HUNK: variants seen among roughly 807,000 people sequenced by gnomAD.
The protein encoded by HUNK is hormonally up-regulated neu tumor-associated kinase.
A neutral mutation model predicts 61.0 loss-of-function variants in HUNK; 21 were observed. That is an observed-to-expected ratio of 0.34 (90% CI 0.24 to 0.50). The LOEUF (loss-of-function observed/expected upper bound fraction) is 0.50. Ranked by LOEUF, HUNK falls within the 20% of genes least tolerant of loss-of-function variation. HUNK has a pLI of 0.98. For missense variants in HUNK, 772 were observed against 945.7 expected, an observed-to-expected ratio of 0.82 and a Z score of 2.41; for synonymous variants, 371 against 386.1, an observed-to-expected ratio of 0.96 and a Z score of 0.46.
At chr21:31,933,702 T>C (rs1406230454) in intron 2 of HUNK, among the ~76,000 whole-genome samples, 4 of 151,156 alleles carry the variant, frequency 2.6e-5, no homozygotes, top group African/African-American at 9.8e-5. Context: ...GGAGAATCGC[T>C]TGAACCCAGG....
rs200217217 is a variant in HUNK at position 31,908,874 on chromosome 21, G to GT, written c.262-15586dup. Among the ~76,000 whole-genome samples, 73 of 151,820 alleles carry GT rather than the reference G, an allele frequency of 4.8e-4. 1 individual carries two copies. The highest frequency in any genetic ancestry group is 4.1e-3 in the Admixed American group (62 of 15,250). ...GATTTAAGACCATTGGGTGTTCAGG[G>GT]TTTTTTTTGCCAATATATTTATCAG... is the stretch of plus-strand genomic sequence containing the variant. On this transcript the variant is annotated intron_variant, in intron 1 of 10. Coordinates refer to ENST00000270112, the MANE Select transcript of HUNK (RefSeq NM_014586.2).
At chr21:31,935,256 A>G (rs1034221044) in intron 2 of HUNK, among the ~76,000 whole-genome samples, 3 of 152,208 alleles carry the variant, frequency 2.0e-5, no homozygotes, top group Admixed American at 1.3e-4. Flanking sequence ...TCTATAGACA[A>G]TGTTTTTTAG....
At chr21:31,943,607 C>A (rs554073536) in intron 3 of HUNK, among the ~76,000 whole-genome samples, 1 of 152,222 alleles carries the variant, frequency 6.6e-6, no homozygotes, top group African/African-American at 2.4e-5. Context: ...AGTTGCTTAA[C>A]ATGCAGATTC....
At chr21:31,989,900 T>A (rs2053160194) in intron 8 of HUNK, among the ~76,000 whole-genome samples, 1 of 152,084 alleles carries the variant, frequency 6.6e-6, no homozygotes, top group Middle Eastern at 3.4e-3. Flanking sequence ...AGAGCACTCC[T>A]CCATACGGCA....
rs374273493 is a variant in HUNK at position 31,965,624 on chromosome 21, C to T, written c.875-2626C>T. Among the ~76,000 whole-genome samples, 10 of 131,456 alleles carry T rather than the reference C, an allele frequency of 7.6e-5. No individual in the cohort carries two copies. The East Asian group carries it at 1.3e-3, about 17-fold the overall frequency. 86.2% of individuals were successfully genotyped at this position (131,456 alleles called of 152,430 possible). ...TTTTTTTTTTTTTTTAATTTTGAGACGGATTCTCTCTCTCTTACCCAGGCT... is the reference window on the plus strand; with the variant it reads ...TTTTTTTTTTTTTTTAATTTTGAGATGGATTCTCTCTCTCTTACCCAGGCT... On this transcript the variant is annotated intron_variant, in intron 5 of 10. Transcript: ENST00000270112.
chr21:31,892,934 GC>G (rs2052401525), intron 1 of HUNK, among the ~76,000 whole-genome samples: 1 of 151,078 alleles, frequency 6.6e-6, no homozygotes, highest in African/African-American at 2.4e-5. Context: ...CATTCACCCT[GC>G]CCCCTGCCTC....
chr21:31,990,693 G>A (rs1392853262), intron 9 of HUNK, among the ~76,000 whole-genome samples: 4 of 151,748 alleles, frequency 2.6e-5, no homozygotes, highest in Non-Finnish European at 4.4e-5. Context: ...CCGCCATCAC[G>A]CCTGGCTAGC....
At position 32,001,126 on chromosome 21, in the gene HUNK, A is replaced by AAC. The variant is rs2053243060; in HGVS notation, c.*1943_*1944insCA. 2 of 155,702 alleles carry AAC rather than the reference A, an allele frequency of 1.3e-5. No individual in the cohort carries two copies. The highest frequency in any genetic ancestry group is 2.1e-4 in the South Asian group (1 of 4,786). 9.6% of individuals were successfully genotyped at this position (155,702 alleles called of 1,614,324 possible). ...GTCTCTACCGAAAAATACAAAAAAA[A>AAC]ATAGCTGGGTGTGGTGGTACGTGCC... On this transcript the variant is annotated 3_prime_UTR_variant, in exon 11 of 11. Transcript: ENST00000270112.
chr21:31,915,235 C>T (rs2052574341), intron 1 of HUNK, among the ~76,000 whole-genome samples: 1 of 152,002 alleles, frequency 6.6e-6, no homozygotes, highest in African/African-American at 2.4e-5. Flanking sequence ...TACACTTATA[C>T]CTAGAACCCT....
rs141844388 is a variant in HUNK at position 31,887,358 on chromosome 21, T to A, written c.261+13423T>A. On this transcript the variant is annotated intron_variant, in intron 1 of 10. Coordinates refer to ENST00000270112, the MANE Select transcript of HUNK (RefSeq NM_014586.2). Reference sequence around the variant, plus strand: ...TTTGGATGTTTCCCATGGAGATATATGTAGGTTTGGAGTCTGTCTCTTTGA... The same window carrying A: ...TTTGGATGTTTCCCATGGAGATATAAGTAGGTTTGGAGTCTGTCTCTTTGA... 1.4e-4 allele frequency among the ~76,000 whole-genome samples: 22 copies of A among 152,328 alleles called. No individual in the cohort carries two copies. In the East Asian group the frequency reaches 4.3e-3, roughly 29 times the overall value.
intron 10 of HUNK, among the ~76,000 whole-genome samples, chr21:31,996,242 G>T (rs527410521): frequency 1.3e-5 from 2 of 152,198 alleles, no homozygotes; most frequent in Non-Finnish European, 2.9e-5. Context: ...GCACAGTATT[G>T]CAGGAGCAGA....
intron 1 of HUNK, among the ~76,000 whole-genome samples, chr21:31,894,171 A>C (rs1165470801): frequency 6.6e-6 from 1 of 152,192 alleles, no homozygotes; most frequent in Non-Finnish European, 1.5e-5. Context: ...TAAAGTATTA[A>C]ATGTCAAATT....
intron 8 of HUNK, among the ~76,000 whole-genome samples, chr21:31,988,654 T>C (rs961796127): frequency 7.2e-6 from 1 of 139,528 alleles, no homozygotes; most frequent in Non-Finnish European, 1.6e-5. Context: ...TTTCTCTCTT[T>C]TCTCTCTTTT....
At chr21:31,945,345 C>T (rs2052794841) in intron 3 of HUNK, among the ~76,000 whole-genome samples, 1 of 152,118 alleles carries the variant, frequency 6.6e-6, no homozygotes, top group Admixed American at 6.5e-5. Flanking sequence ...TCTTCCTGGG[C>T]ATCTTAATCA....
Position 31,963,447 on chromosome 21 carries a change from G to C in HUNK, c.874+4477G>C, listed in dbSNP as rs528260791. Among the ~76,000 whole-genome samples, 3 of 152,166 alleles carry C rather than the reference G, an allele frequency of 2.0e-5. No individual in the cohort carries two copies. The South Asian group carries it at 6.2e-4, about 32-fold the overall frequency. ...AAATAGAAAATATGCCAGTTTTATT[G>C]TGTCTCACTAATGCACATCTTTATT... On this transcript the variant is annotated intron_variant, in intron 5 of 10. Coordinates refer to ENST00000270112, the MANE Select transcript of HUNK (RefSeq NM_014586.2).
intron 5 of HUNK, among the ~76,000 whole-genome samples, chr21:31,966,277 T>TTA (rs1222453276): frequency 3.9e-5 from 6 of 152,204 alleles, no homozygotes; most frequent in African/African-American, 1.4e-4. Flanking sequence ...TCCTTGGTGT[T>TTA]TATATATATG....
chr21:31,913,969 A>G (rs2052564233), intron 1 of HUNK, among the ~76,000 whole-genome samples: 1 of 152,108 alleles, frequency 6.6e-6, no homozygotes, highest in Non-Finnish European at 1.5e-5. Flanking sequence ...AAACACGCAG[A>G]GCCTACTGAC....
chr21:31,946,304 G>A (rs764940687), intron 4 of HUNK, 133 bp downstream of exon 4: 14 of 881,848 alleles, frequency 1.6e-5, no homozygotes, highest in Non-Finnish European at 2.3e-5. Flanking sequence ...GGGATTCTTT[G>A]GGGCCTGGCT....
chr21:31,943,985 A>G (rs2052785663), intron 3 of HUNK, among the ~76,000 whole-genome samples: 1 of 152,236 alleles, frequency 6.6e-6, no homozygotes, highest in Non-Finnish European at 1.5e-5. Context: ...CTCCTCACAC[A>G]TTTGTTTGTT....
Sources: gnomAD v4.1 joint callset for allele counts (sites outside exome capture counted in the v4.1 genomes callset) on GRCh38, gnomAD v4.1.1 for gene constraint, MANE v1.5 for transcripts, NCBI Gene and HGNC (gene_info 2026-07-23, HGNC 2026-07-21) for gene names.